MTUS1: variants seen among roughly 807,000 people sequenced by gnomAD.
MTUS1 encodes the protein microtubule associated scaffold protein 1, also known as microtubule-associated tumor suppressor 1.
In MTUS1, 109 loss-of-function variants were observed where a neutral mutation model predicts 120.8. The observed-to-expected ratio is 0.90, with a 90% confidence interval of 0.77 to 1.06. MTUS1 has a LOEUF of 1.06. Among genes scored for constraint, MTUS1 ranks in the 50% least tolerant of loss-of-function variants. The pLI is 0.00. For missense variants in MTUS1, 2,210 were observed against 1,486.3 expected (o/e 1.49, Z -8.01); for synonymous variants, 737 against 550.5 (o/e 1.34, Z -4.74).
In MTUS1 at chr8:17,744,422, T is replaced by C. The variant is rs1314058067; in HGVS notation, c.2092-623A>G. Reference sequence around the variant, plus strand: ...CTATTGATTTCAGGTCTTTAGATAATAACTTCTTTAGTTTTTTGACACGGA... The same window carrying C: ...CTATTGATTTCAGGTCTTTAGATAACAACTTCTTTAGTTTTTTGACACGGA... On this transcript the variant is annotated intron_variant, in intron 2 of 14. Transcript: ENST00000693296. 3.3e-5 allele frequency among the ~76,000 whole-genome samples: 5 copies of C among 152,110 alleles called. No homozygotes were observed. The East Asian group carries it at 5.8e-4, about 18-fold the overall frequency.
At chr8:17,659,460 G>A (rs1205792403) in intron 8 of MTUS1, among the ~76,000 whole-genome samples, 1 of 152,200 alleles carries the variant, frequency 6.6e-6, no homozygotes, top group East Asian at 1.9e-4. Context: ...ACTTTGGAAG[G>A]CCGAAGCGTG....
chr8:17,742,277 TTTTTGTTGTTGTTG>T lies in MTUS1; in HGVS notation c.2287+1313_2287+1326del, dbSNP rs1232335703. 6.7e-4 allele frequency among the ~76,000 whole-genome samples: 83 copies of T among 124,292 alleles called. 5 individuals carry two copies. Among genetic ancestry groups the T allele is most frequent in the East Asian group, 3.1e-3 (13 of 4,224 alleles). 81.5% of individuals were successfully genotyped at this position (124,292 alleles called of 152,430 possible). A position where few individuals can be genotyped will look rare whatever the true frequency, so the allele number is the denominator to read the frequency against. On this transcript the variant is annotated intron_variant, in intron 3 of 14. Transcript: ENST00000693296. ...TGCTCTCATGCCCAGCTGTTTTTTT[TTTTTGTTGTTGTTG>T]TTTTTTTTTTTTTTTTTTTTAGAGA... is the stretch of plus-strand genomic sequence containing the variant.
At chr8:17,697,542 C>G (rs537532776) in intron 6 of MTUS1, 81 of 1,394,256 alleles carry the variant, frequency 5.8e-5, no homozygotes, top group Non-Finnish European at 6.7e-5. Flanking sequence ...AGAAAAAAAT[C>G]CCCCAGGGCT....
intron 8 of MTUS1, among the ~76,000 whole-genome samples, chr8:17,669,464 TTCAA>T (rs1362643475): frequency 6.6e-6 from 1 of 151,500 alleles, no homozygotes; most frequent in African/African-American, 2.4e-5. Context: ...ACTGGAAGAT[TTCAA>T]TCAGTCAAAT....
At chr8:17,652,493 T>C (rs747202970) in intron 12 of MTUS1, among the ~76,000 whole-genome samples, 11 of 151,808 alleles carry the variant, frequency 7.2e-5, no homozygotes, top group South Asian at 2.1e-4. Context: ...GCTGGGGAAT[T>C]TGGGGGAATG....
intron 2 of MTUS1, among the ~76,000 whole-genome samples, chr8:17,744,942 C>G (rs957552994): frequency 6.6e-6 from 1 of 152,142 alleles, no homozygotes; most frequent in Non-Finnish European, 1.5e-5. Context: ...TAACGTGTAT[C>G]TCAAATGTAT....
chr8:17,698,926 A>C (rs421167), intron 6 of MTUS1, among the ~76,000 whole-genome samples: 7,434 of 152,236 alleles, frequency 0.049, 588 homozygotes, highest in African/African-American at 0.17. Context: ...AGCTGCTTCT[A>C]GGTGTTGCCT....
chr8:17,785,598 T>C (rs1474008581), intron 1 of MTUS1, among the ~76,000 whole-genome samples: 4 of 152,214 alleles, frequency 2.6e-5, no homozygotes, highest in Non-Finnish European at 4.4e-5. Flanking sequence ...ATAAAGAACA[T>C]TCCTTTAGTT....
intron 3 of MTUS1, among the ~76,000 whole-genome samples, chr8:17,729,756 G>A (rs566488750): frequency 2.0e-5 from 3 of 150,714 alleles, no homozygotes; most frequent in African/African-American, 7.3e-5. Context: ...ATTAAGAATA[G>A]CCAAAAAAAA....
At chr8:17,725,302 T>C (rs2046152158) in intron 3 of MTUS1, among the ~76,000 whole-genome samples, 1 of 152,160 alleles carries the variant, frequency 6.6e-6, no homozygotes, top group Non-Finnish European at 1.5e-5. Context: ...ATTTTGCTCA[T>C]AAAAACCTCA....
intron 12 of MTUS1, among the ~76,000 whole-genome samples, chr8:17,652,908 G>C (rs1807343682): frequency 6.6e-6 from 1 of 150,708 alleles, no homozygotes; most frequent in African/African-American, 2.4e-5. Flanking sequence ...TTTAAATAAA[G>C]TCTTCACATA....
At position 17,754,328 on chromosome 8, in the gene MTUS1, C is replaced by A. The variant is rs764822261; in HGVS notation, c.1480G>T (p.Val494Phe). 1.2e-6 allele frequency: 2 copies of A among 1,614,110 alleles called. No homozygotes were observed. Among genetic ancestry groups the A allele is most frequent in the Non-Finnish European group, 1.7e-6 (2 of 1,180,014 alleles). The change falls in exon 2 of 15, where the codon GTT (valine) becomes TTT (phenylalanine). Residue 494 changes from valine (V) to phenylalanine (F), a missense_variant. By Grantham distance (50) the Val-to-Phe change is conservative (BLOSUM62 -1). Coordinates refer to ENST00000693296, the MANE Select transcript of MTUS1 (RefSeq NM_001363059.2). ...TAACTTATAATTTCAGTTTTTCTAA[C>A]TTTGCAGCCTATTGGGGTATTCGTT... ...IKTNTPIGCK[V>F]RKTEIISYPR... is the part of the protein sequence containing the mutation.
At chr8:17,684,680 G>A (rs932732319) in intron 6 of MTUS1, 138 bp from the exon 7 acceptor site, 3 of 675,892 alleles carry the variant, frequency 4.4e-6, no homozygotes, top group Non-Finnish European at 7.8e-6. Flanking sequence ...ATATGGATGA[G>A]AACTGGAATG....
At position 17,653,430 on chromosome 8, in the gene MTUS1, G is replaced by C. The variant is rs1192710140; in HGVS notation, c.3283C>G (p.Leu1095Val). The C allele has an allele frequency of 1.2e-6, 2 of 1,609,046 alleles. No homozygotes were observed. Among genetic ancestry groups the C allele is most frequent in the East Asian group, 2.2e-5 (1 of 44,818 alleles). The part of the protein sequence containing the change: ...EDLLSEKQES[L>V]EKQINDLKSE... Reference sequence around the variant, plus strand: ...GGATATTGACATTCACCCACCTCTAGCGATTCCTGCTTCTCAGAAAGTAAA... The same window carrying C: ...GGATATTGACATTCACCCACCTCTACCGATTCCTGCTTCTCAGAAAGTAAA... The change falls in exon 11 of 15, where the codon CTA (leucine) becomes GTA (valine). Residue 1095 changes from leucine to valine, a missense_variant. Leu to Val is a conservative substitution (Grantham distance 32, BLOSUM62 1). Transcript: ENST00000693296.
chr8:17,738,964 C>A (rs1222751690), intron 3 of MTUS1, among the ~76,000 whole-genome samples: 4 of 150,286 alleles, frequency 2.7e-5, no homozygotes, highest in Non-Finnish European at 4.4e-5. Flanking sequence ...CAAAGTGAGA[C>A]CCCCCCATCT....
At position 17,755,259 on chromosome 8, in the gene MTUS1, G is replaced by T. The variant is rs1782500006; in HGVS notation, c.549C>A (p.Ser183=). The T allele has an allele frequency of 6.2e-7, 1 of 1,613,958 alleles. No homozygotes were observed. Among genetic ancestry groups the T allele is most frequent in the African/African-American group, 1.3e-5 (1 of 74,922 alleles). Residue 183 remains serine, a synonymous_variant, in exon 2 of 15, where the codon TCC becomes TCA. Transcript: ENST00000693296. ...ISHHAIGKSQ[S]FHTAGSLPPT... ...GTGGCAGGCTTCCAGCAGTATGGAA[G>T]GACTGACTCTTTCCGATGGCATGAT...
chr8:17,652,462 G>A (rs1023137871), intron 12 of MTUS1, among the ~76,000 whole-genome samples: 1 of 152,062 alleles, frequency 6.6e-6, no homozygotes, highest in Non-Finnish European at 1.5e-5. Context: ...GAGATAGAAA[G>A]TAGACGGGGG....
At chr8:17,707,847 A>C (rs1418333424) in intron 6 of MTUS1, among the ~76,000 whole-genome samples, 1 of 152,248 alleles carries the variant, frequency 6.6e-6, no homozygotes, top group Non-Finnish European at 1.5e-5. Flanking sequence ...TATTTTTAAC[A>C]AAGGTGCCAA....
chr8:17,789,750 T>C (rs542904279), intron 1 of MTUS1, among the ~76,000 whole-genome samples: 1 of 152,314 alleles, frequency 6.6e-6, no homozygotes, highest in African/African-American at 2.4e-5. Flanking sequence ...TATATACACA[T>C]TTAACTCACA....
Sources: allele counts gnomAD v4.1 joint callset (sites outside exome capture counted in the v4.1 genomes callset), GRCh38; gene constraint gnomAD v4.1.1; transcripts MANE v1.5; gene names NCBI Gene and HGNC (gene_info 2026-07-23, HGNC 2026-07-21).